The following SAMD12 variants were observed in gnomAD, a reference collection of about 807,000 sequenced individuals.
The protein encoded by SAMD12 is sterile alpha motif domain containing 12.
In SAMD12, 9 loss-of-function variants were observed where a neutral mutation model predicts 15.0. That is an observed-to-expected ratio of 0.60 (90% CI 0.36 to 1.05). The LOEUF is 1.05. Ranked by LOEUF, SAMD12 falls within the 50% of genes least tolerant of loss-of-function variation. SAMD12 has a pLI of 0.01. For missense variants in SAMD12, 230 were observed against 234.2 expected (o/e 0.98, Z 0.12); for synonymous variants, 86 against 90.1 (o/e 0.96, Z 0.25).
intron 4 of SAMD12, among the ~76,000 whole-genome samples, chr8:118,240,418 C>A (rs550405916): frequency 6.7e-4 from 102 of 152,270 alleles, no homozygotes; most frequent in African/African-American, 2.3e-3. Context: ...TTTAAGAATA[C>A]AGAAATTCAT....
intron 2 of SAMD12, among the ~76,000 whole-genome samples, chr8:118,490,331 C>T (rs1824407623): frequency 6.6e-6 from 1 of 152,102 alleles, no homozygotes. Context: ...TACTTCAAAC[C>T]AGCCACTAGC....
chr8:118,177,239 ATTT>A, the SAMD12 span, among the ~76,000 whole-genome samples: 8,152 of 137,034 alleles, frequency 0.059, 531 homozygotes, highest in African/African-American at 0.16. Flanking sequence ...GCCACAGAGA[ATTT>A]TTTTTTTTTT....
downstream of SAMD12, among the ~76,000 whole-genome samples, chr8:118,188,308 C>T (rs1234939752): frequency 6.6e-6 from 1 of 152,102 alleles, no homozygotes; most frequent in Non-Finnish European, 1.5e-5. Flanking sequence ...GCTTTACCAT[C>T]TTCTAAAAAT....
intron 3 of SAMD12, among the ~76,000 whole-genome samples, chr8:118,394,250 C>G (rs1270982981): frequency 2.0e-5 from 3 of 152,142 alleles, no homozygotes; most frequent in Non-Finnish European, 4.4e-5. Context: ...TTTCCATTAT[C>G]CACATCTCTA....
chr8:118,366,943 C>A (rs1818835105), intron 4 of SAMD12, among the ~76,000 whole-genome samples: 1 of 147,184 alleles, frequency 6.8e-6, no homozygotes, highest in Non-Finnish European at 1.5e-5. Context: ...AAGGGGGATA[C>A]TAAGAATGGA....
intron 3 of SAMD12, among the ~76,000 whole-genome samples, chr8:118,419,221 G>T (rs1821876518): frequency 1.3e-5 from 2 of 152,084 alleles, no homozygotes; most frequent in Admixed American, 1.3e-4. Context: ...AAAGCCTTAG[G>T]TGTCAGAGGA....
At chr8:118,573,597 C>T (rs1394120700) in intron 2 of SAMD12, among the ~76,000 whole-genome samples, 2 of 152,144 alleles carry the variant, frequency 1.3e-5, no homozygotes, top group Non-Finnish European at 2.9e-5. Context: ...CTAGAGTGAA[C>T]TTTTGAAGAG....
intron 3 of SAMD12, among the ~76,000 whole-genome samples, chr8:118,424,450 C>T (rs754655757): frequency 8.5e-5 from 13 of 152,156 alleles, no homozygotes; most frequent in African/African-American, 2.4e-4. Context: ...GGTCACACAC[C>T]GTGAATAATG....
At chr8:118,334,252 G>A (rs1563771499) in intron 4 of SAMD12, among the ~76,000 whole-genome samples, 1 of 152,156 alleles carries the variant, frequency 6.6e-6, no homozygotes, top group African/African-American at 2.4e-5. Context: ...TACCTGGCCT[G>A]TGTCTGTCAT....
Position 118,295,831 on chromosome 8 carries a change from G to C in SAMD12, c.433+83729C>G, listed in dbSNP as rs199775348. The C allele has an allele frequency of 6.6e-5, 10 of 151,972 alleles. No homozygotes were observed. In the East Asian group the frequency reaches 1.9e-3, roughly 29 times the overall value. 9.4% of individuals were successfully genotyped at this position (151,972 alleles called of 1,614,324 possible). ...TCATGTTAATTTTTTCTTTTGTAGA[G>C]ATGAAGTTTCACAATATAGACCAGG... On this transcript the variant is annotated intron_variant, in intron 4 of 4. Transcript: ENST00000409003.
At chr8:118,343,797 T>G (rs926294633) in intron 4 of SAMD12, among the ~76,000 whole-genome samples, 1 of 152,134 alleles carries the variant, frequency 6.6e-6, no homozygotes, top group African/African-American at 2.4e-5. Context: ...AGGTCAGGAC[T>G]TCCATGGATT....
chr8:118,510,396 C>T (rs115674369), intron 2 of SAMD12, among the ~76,000 whole-genome samples: 3,582 of 152,114 alleles, frequency 0.024, 115 homozygotes, highest in African/African-American at 0.076. Context: ...TTTAATTGTT[C>T]GGGACCACAA....
At chr8:118,559,938 A>C (rs1466766895) in intron 2 of SAMD12, among the ~76,000 whole-genome samples, 1 of 152,240 alleles carries the variant, frequency 6.6e-6, no homozygotes, top group Non-Finnish European at 1.5e-5. Flanking sequence ...AGTTTCAAAA[A>C]TAATGTAAAA....
chr8:118,282,368 A>G (rs2130167934), intron 4 of SAMD12: 1 of 456,256 alleles, frequency 2.2e-6, no homozygotes, highest in South Asian at 1.5e-5. Context: ...GCTCTCGTAT[A>G]GGCTGGTGTT....
chr8:118,495,535 T>C, intron 2 of SAMD12, among the ~76,000 whole-genome samples: 1 of 148,032 alleles, frequency 6.8e-6, no homozygotes, highest in East Asian at 2.1e-4. Flanking sequence ...ATAATTAATC[T>C]TCACTTAATT....
At chr8:118,376,593 C>T (rs147934265), downstream of SAMD12, among the ~76,000 whole-genome samples, 745 of 152,130 alleles carry the variant, frequency 4.9e-3, 5 homozygotes, top group Non-Finnish European at 8.5e-3. Flanking sequence ...ATTTTGTTAC[C>T]GCAGCCTGAA....
intron 4 of SAMD12, chr8:118,282,095 C>G: frequency 5.8e-6 from 2 of 345,968 alleles, no homozygotes; most frequent in Non-Finnish European, 1.1e-5. Flanking sequence ...ACTTAATTTG[C>G]CTCAGTGACA....
chr8:118,488,085 TA>T (rs367749513), intron 2 of SAMD12, among the ~76,000 whole-genome samples: 3,479 of 145,452 alleles, frequency 0.024, 111 homozygotes, highest in African/African-American at 0.075. Flanking sequence ...AGTACAGGAA[TA>T]AAAAAAAAAA....
chr8:118,250,412 C>G (rs574566818), intron 4 of SAMD12, among the ~76,000 whole-genome samples: 12 of 152,124 alleles, frequency 7.9e-5, no homozygotes, highest in South Asian at 4.2e-4. Context: ...CATGGACACT[C>G]AAATAGAACC....
Sources: allele counts gnomAD v4.1 joint callset (sites outside exome capture counted in the v4.1 genomes callset), GRCh38; gene constraint gnomAD v4.1.1; transcripts MANE v1.5; gene names NCBI Gene and HGNC (gene_info 2026-07-23, HGNC 2026-07-21).